Variants in GAP43 observed in about 807,000 individuals in gnomAD.
GAP43 encodes growth associated protein 43.
GAP43 carries 6 observed loss-of-function variants against 18.6 expected under a neutral mutation model. The observed-to-expected ratio is 0.32, with a 90% confidence interval of 0.18 to 0.64. The LOEUF is 0.64. GAP43 is among the 30% of genes least tolerant of loss of function. The pLI is 0.78. For missense variants in GAP43, 292 were observed against 295.5 expected, an observed-to-expected ratio of 0.99 and a Z score of 0.09; for synonymous variants, 115 against 111.4, an observed-to-expected ratio of 1.03 and a Z score of -0.20.
At chr3:115,636,447 C>A (rs2107467895) in intron 1 of GAP43, among the ~76,000 whole-genome samples, 1 of 152,244 alleles carries the variant, frequency 6.6e-6, no homozygotes, top group East Asian at 1.9e-4. Context: ...ACCCTTAAAG[C>A]CCTAAGGCCC....
intron 2 of GAP43, among the ~76,000 whole-genome samples, chr3:115,716,605 G>C (rs2107379932): frequency 6.7e-6 from 1 of 149,864 alleles, no homozygotes; most frequent in South Asian, 2.1e-4. Flanking sequence ...TGCATCCATT[G>C]ACTTGACCCA....
At chr3:115,715,822 G>C (rs936828847) in intron 2 of GAP43, among the ~76,000 whole-genome samples, 3 of 152,146 alleles carry the variant, frequency 2.0e-5, no homozygotes, top group Non-Finnish European at 2.9e-5. Context: ...CCCTGCTTTA[G>C]TTATCACTCT....
chr3:115,658,532 C>A (rs2107479201), intron 1 of GAP43: 1 of 152,338 alleles, frequency 6.6e-6, no homozygotes, highest in South Asian at 2.1e-4. Flanking sequence ...GCGCCCCCAC[C>A]CGCGCGGGCT....
At chr3:115,642,754 G>A (rs926298414) in intron 1 of GAP43, among the ~76,000 whole-genome samples, 1 of 151,990 alleles carries the variant, frequency 6.6e-6, no homozygotes, top group Non-Finnish European at 1.5e-5. Context: ...CACATAGTAA[G>A]CACTTAACAT....
intron 1 of GAP43, among the ~76,000 whole-genome samples, chr3:115,631,207 T>G (rs1317125255): frequency 6.6e-6 from 1 of 152,222 alleles, no homozygotes; most frequent in Non-Finnish European, 1.5e-5. Flanking sequence ...TCTTATTTTC[T>G]TAGATGTTGT....
chr3:115,674,294 A>G (rs1708852203), intron 1 of GAP43, among the ~76,000 whole-genome samples: 3 of 152,222 alleles, frequency 2.0e-5, no homozygotes, highest in South Asian at 2.1e-4. Context: ...CAAAAGTTCA[A>G]TGCTCAAGTT....
At chr3:115,710,895 C>T (rs1053019940) in intron 2 of GAP43, among the ~76,000 whole-genome samples, 2 of 152,074 alleles carry the variant, frequency 1.3e-5, no homozygotes, top group Non-Finnish European at 2.9e-5. Flanking sequence ...TGAAACCAAA[C>T]TATCAGCTTC....
chr3:115,628,218 G>C (rs1708215488), intron 1 of GAP43, among the ~76,000 whole-genome samples: 2 of 151,816 alleles, frequency 1.3e-5, no homozygotes, highest in African/African-American at 4.8e-5. Flanking sequence ...CCTTCTGCTT[G>C]TGCTCTTGCT....
At chr3:115,698,172 T>G (rs1248601633) in intron 2 of GAP43, among the ~76,000 whole-genome samples, 9 of 23,064 alleles carry the variant, frequency 3.9e-4, no homozygotes, top group Non-Finnish European at 7.9e-4. Flanking sequence ...TAAAATATAT[T>G]AAATAATATA....
intron 1 of GAP43, among the ~76,000 whole-genome samples, chr3:115,661,872 A>G (rs1708665113): frequency 7.5e-6 from 1 of 132,630 alleles, no homozygotes; most frequent in Non-Finnish European, 1.5e-5. Context: ...ATTGCAAACC[A>G]CAGGGCATGC....
intron 2 of GAP43, among the ~76,000 whole-genome samples, chr3:115,683,128 C>CGTGT (rs1559800314): frequency 3.6e-4 from 45 of 124,492 alleles, no homozygotes; most frequent in African/African-American, 1.4e-3. Context: ...TACATGTGCG[C>CGTGT]GCGCGTGCGC....
chr3:115,663,847 GA>G, intron 1 of GAP43: 1 of 1,552,062 alleles, frequency 6.4e-7, no homozygotes, highest in Non-Finnish European at 8.7e-7. Flanking sequence ...GAGGCTTGAG[GA>G]AAAATCTTCA....
Position 115,721,046 on chromosome 3 carries a change from T to TAA in GAP43, c.*164_*165insAA. The TAA allele has an allele frequency of 5.9e-6, 2 of 337,764 alleles. No homozygotes were observed. 20.9% of individuals were successfully genotyped at this position (337,764 alleles called of 1,614,324 possible). A position where few individuals can be genotyped will look rare whatever the true frequency, so the allele number is the denominator to read the frequency against. ...CTCTTTCTCTCTGTGTGGCAAACAT[T>TAA]TAAAAAAAAAAAAAAAAAGCAGGAA... is the stretch of plus-strand genomic sequence containing the variant. On this transcript the variant is annotated 3_prime_UTR_variant, in exon 3 of 3. Coordinates refer to ENST00000305124, the MANE Select transcript of GAP43 (RefSeq NM_002045.4).
intron 1 of GAP43, among the ~76,000 whole-genome samples, chr3:115,624,056 G>A (rs1281766497): frequency 6.6e-6 from 1 of 151,520 alleles, no homozygotes; most frequent in African/African-American, 2.4e-5. Context: ...GATGATGTGG[G>A]CTCTACCTAC....
intron 1 of GAP43, among the ~76,000 whole-genome samples, chr3:115,641,026 T>G (rs1319470096): frequency 1.9e-5 from 2 of 105,564 alleles, no homozygotes; most frequent in African/African-American, 3.3e-5. Context: ...CTTTATTCTG[T>G]TTTTTTTTTT....
intron 1 of GAP43, among the ~76,000 whole-genome samples, chr3:115,651,096 C>A (rs1407138686): frequency 6.6e-6 from 1 of 152,102 alleles, no homozygotes; most frequent in Non-Finnish European, 1.5e-5. Flanking sequence ...TGTACCATTG[C>A]ACTCCACTCT....
At chr3:115,655,310 C>A (rs1022734686) in intron 1 of GAP43, among the ~76,000 whole-genome samples, 2 of 152,138 alleles carry the variant, frequency 1.3e-5, no homozygotes, top group Admixed American at 6.5e-5. Flanking sequence ...CCAATGTTAC[C>A]TTGGACACAA....
intron 2 of GAP43, among the ~76,000 whole-genome samples, chr3:115,710,090 G>A (rs749322075): frequency 6.6e-5 from 10 of 152,014 alleles, no homozygotes; most frequent in South Asian, 2.1e-4. Context: ...TAGCACCCAC[G>A]GATTCATGTG....
intron 2 of GAP43, among the ~76,000 whole-genome samples, chr3:115,693,787 C>T (rs1214421086): frequency 1.4e-5 from 1 of 70,626 alleles, no homozygotes; most frequent in Non-Finnish European, 2.6e-5. Context: ...ATGATGGGGG[C>T]TGGGGCGGGG....
Sources: gnomAD v4.1 joint callset for allele counts (sites outside exome capture counted in the v4.1 genomes callset) on GRCh38, gnomAD v4.1.1 for gene constraint, MANE v1.5 for transcripts, NCBI Gene and HGNC (gene_info 2026-07-23, HGNC 2026-07-21) for gene names.